The following KLHL29 variants were observed in gnomAD, a reference collection of about 807,000 sequenced individuals.
KLHL29 encodes kelch like family member 29, also known as kelch-like protein 29.
KLHL29 carries 21 observed loss-of-function variants against 80.4 expected under a neutral mutation model. That is an observed-to-expected ratio of 0.26 (90% CI 0.19 to 0.38). KLHL29 has a LOEUF of 0.38. Ranked by LOEUF, KLHL29 falls within the 10% of genes least tolerant of loss-of-function variation. KLHL29 has a pLI of 1.00. For missense variants in KLHL29, 867 were observed against 1,223.9 expected, an observed-to-expected ratio of 0.71 and a Z score of 4.35; for synonymous variants, 511 against 526.8, an observed-to-expected ratio of 0.97 and a Z score of 0.41.
intron 1 of KLHL29, among the ~76,000 whole-genome samples, chr2:23,427,599 G>A (rs1663038424): frequency 6.6e-6 from 1 of 152,114 alleles, no homozygotes; most frequent in African/African-American, 2.4e-5. Context: ...CAGCGCCTGC[G>A]GACAGTCACG....
rs532624588 is a variant in KLHL29, at chr2:23,457,269, G to A, written c.-153-18291G>A. 6.6e-6 allele frequency among the ~76,000 whole-genome samples: 1 copy of A among 152,362 alleles called. No individual in the cohort carries two copies. Among genetic ancestry groups the A allele is most frequent in the Admixed American group, 6.5e-5 (1 of 15,312 alleles). On this transcript the variant is annotated intron_variant, in intron 1 of 13. Transcript: ENST00000486442. This position sits in a 1 kb window ranked among gnomAD's most constrained non-coding sequence, Gnocchi z 4.3. ...CCAATGCTGAACTCATATGGGCTCT[G>A]AGCCCAGAGGGGCCAGGTCTTTGGA...
rs1470078818 is a variant in KLHL29, at chr2:23,642,863, G to T, written c.940+13G>T. The T allele has an allele frequency of 1.3e-6, 2 of 1,550,234 alleles. No homozygotes were observed. The highest frequency in any genetic ancestry group is 2.0e-5 in the Admixed American group (1 of 50,996). On this transcript the variant is annotated intron_variant, in intron 5 of 13. Transcript: ENST00000486442. ...GGGCACCCCAGAGGTAAGTCCTGCT[G>T]CCACGTGCCTCCCCACGGGCCTGCG...
At position 23,604,317 on chromosome 2, in the gene KLHL29, G is replaced by A. The variant is rs571069171; in HGVS notation, c.286-34822G>A. 3.6e-3 allele frequency among the ~76,000 whole-genome samples: 552 copies of A among 152,188 alleles called. 6 individuals are homozygous for A. The highest frequency in any genetic ancestry group is 5.5e-3 in the Non-Finnish European group (374 of 68,026). On this transcript the variant is annotated intron_variant, in intron 3 of 13. Transcript: ENST00000486442. ...TCACCGTGTTAGCCAGGATGGTCTC[G>A]ATCTCCTGACCTTGTGATCTGCCTG...
chr2:23,615,163 C>T (rs1668972642), intron 3 of KLHL29, among the ~76,000 whole-genome samples: 1 of 152,218 alleles, frequency 6.6e-6, no homozygotes, highest in African/African-American at 2.4e-5. Flanking sequence ...TGCGATGAGC[C>T]AGGCCTTCTC....
At chr2:23,666,688 G>A (rs1572479088) in intron 5 of KLHL29, among the ~76,000 whole-genome samples, 1 of 152,376 alleles carries the variant, frequency 6.6e-6, no homozygotes, top group East Asian at 1.9e-4. Context: ...TCCTTCTGAA[G>A]TCCAGTGCCT....
intron 1 of KLHL29, among the ~76,000 whole-genome samples, chr2:23,395,387 G>T (rs146254861): frequency 0.01 from 1,589 of 152,348 alleles, 18 homozygotes; most frequent in South Asian, 0.051. Context: ...TAAGGTCACA[G>T]ATAGGTGTCT....
At chr2:23,473,171 G>C (rs945525562) in intron 1 of KLHL29, among the ~76,000 whole-genome samples, 1 of 152,146 alleles carries the variant, frequency 6.6e-6, no homozygotes, top group Non-Finnish European at 1.5e-5. Context: ...ACGCAGAGAG[G>C]GAGGGGAGCA....
intron 1 of KLHL29, among the ~76,000 whole-genome samples, chr2:23,470,782 T>TA (rs946624824): frequency 6.6e-6 from 1 of 152,186 alleles, no homozygotes; most frequent in African/African-American, 2.4e-5. Flanking sequence ...TCTCATGACT[T>TA]ACTCCATCTT....
chr2:23,574,273 G>A (rs1324043235), intron 3 of KLHL29, among the ~76,000 whole-genome samples: 1 of 152,134 alleles, frequency 6.6e-6, no homozygotes, highest in East Asian at 1.9e-4. Flanking sequence ...TATTTGAGGG[G>A]GCTGCTAGGA....
chr2:23,520,994 C>CA (rs4041286), intron 2 of KLHL29, among the ~76,000 whole-genome samples: 1 of 63,930 alleles, frequency 1.6e-5, no homozygotes, highest in Admixed American at 1.2e-4. Flanking sequence ...CAAAGACCAC[C>CA]CCCCCCCCCG....
chr2:23,398,508 T>C (rs528109079), intron 1 of KLHL29, among the ~76,000 whole-genome samples: 4 of 152,228 alleles, frequency 2.6e-5, no homozygotes, highest in African/African-American at 9.6e-5. Flanking sequence ...TTTAAGAAAA[T>C]GAAATGCTCT....
At chr2:23,613,821 A>G (rs968092114) in intron 3 of KLHL29, among the ~76,000 whole-genome samples, 1 of 151,292 alleles carries the variant, frequency 6.6e-6, no homozygotes, top group Non-Finnish European at 1.5e-5. Flanking sequence ...AGGAAGATAC[A>G]ACAATTGTAC....
At chr2:23,533,447 A>AT (rs1288695212) in intron 2 of KLHL29, among the ~76,000 whole-genome samples, 1 of 152,150 alleles carries the variant, frequency 6.6e-6, no homozygotes, top group Non-Finnish European at 1.5e-5. Flanking sequence ...GATTCATGGC[A>AT]TTTGGCGTCA....
chr2:23,534,611 C>T (rs1448891142), intron 2 of KLHL29, among the ~76,000 whole-genome samples: 1 of 152,142 alleles, frequency 6.6e-6, no homozygotes, highest in East Asian at 1.9e-4. Flanking sequence ...TGCTCAGTGT[C>T]TCTCCAGCTA....
At chr2:23,659,889 T>C (rs1670357134) in intron 5 of KLHL29, among the ~76,000 whole-genome samples, 1 of 151,624 alleles carries the variant, frequency 6.6e-6, no homozygotes, top group Admixed American at 6.6e-5. Flanking sequence ...GTCAGAGCAA[T>C]CTTCCTAACG....
At chr2:23,539,862 C>T (rs1436972744) in intron 2 of KLHL29, among the ~76,000 whole-genome samples, 7 of 152,168 alleles carry the variant, frequency 4.6e-5, no homozygotes, top group African/African-American at 1.2e-4. Flanking sequence ...ACAGTCTGAG[C>T]GATTATCCCC....
At chr2:23,592,823 G>A (rs556587837) in intron 3 of KLHL29, among the ~76,000 whole-genome samples, 52 of 152,286 alleles carry the variant, frequency 3.4e-4, no homozygotes, top group African/African-American at 1.1e-3. Flanking sequence ...TGGAAGTCCC[G>A]GTGACCTTCT....
intron 3 of KLHL29, among the ~76,000 whole-genome samples, chr2:23,568,903 C>T (rs1487918843): frequency 6.6e-6 from 1 of 152,220 alleles, no homozygotes; most frequent in African/African-American, 2.4e-5. Flanking sequence ...ATGTGGGACA[C>T]TCAGGACCCA....
chr2:23,676,466 G>C (rs1299294441), intron 5 of KLHL29, among the ~76,000 whole-genome samples: 2 of 152,198 alleles, frequency 1.3e-5, no homozygotes, highest in Non-Finnish European at 2.9e-5. Context: ...ACAGGAGTGA[G>C]CCACCGCACC....
Sources: gnomAD v4.1 joint callset for allele counts (sites outside exome capture counted in the v4.1 genomes callset) on GRCh38, gnomAD v4.1.1 for gene constraint, Gnocchi (gnomAD v3.1) non-coding constraint, MANE v1.5 for transcripts, NCBI Gene and HGNC (gene_info 2026-07-23, HGNC 2026-07-21) for gene names.